The following GRIK4 variants were observed in gnomAD, a reference collection of about 807,000 sequenced individuals.
The protein encoded by GRIK4 is glutamate receptor ionotropic, kainate 4.
In GRIK4, 40 loss-of-function variants were observed where a neutral mutation model predicts 104.9. That is an observed-to-expected ratio of 0.38 (90% CI 0.30 to 0.50). GRIK4 has a LOEUF of 0.50. GRIK4 is among the 20% of genes least tolerant of loss of function. GRIK4 has a pLI of 0.93. For missense variants in GRIK4, 1,047 were observed against 1,308.1 expected (o/e 0.80, Z 3.08); for synonymous variants, 485 against 524.9 (o/e 0.92, Z 1.04).
At chr11:120,563,170 T>TA (rs983625256) in intron 1 of GRIK4, among the ~76,000 whole-genome samples, 4 of 152,202 alleles carry the variant, frequency 2.6e-5, no homozygotes, top group African/African-American at 9.6e-5. Context: ...CTATTAGACA[T>TA]ACTCGCAGTG....
At position 120,919,870 on chromosome 11, in the gene GRIK4, G is replaced by A. The variant is rs142443998; in HGVS notation, c.1476+14377G>A. On this transcript the variant is annotated intron_variant, in intron 13 of 20. Coordinates refer to ENST00000527524, the MANE Select transcript of GRIK4 (RefSeq NM_014619.5). ...GCTGATTCATGGTCTCTGGGATGAC[G>A]GATGGGGAAGTCATTAATGGCACAC... Among the ~76,000 whole-genome samples the A allele has an allele frequency of 4.2e-4, 64 of 152,194 alleles. No individual in the cohort carries two copies. The East Asian group carries it at 0.012, about 28-fold the overall frequency.
intron 11 of GRIK4, among the ~76,000 whole-genome samples, chr11:120,897,107 G>C (rs1942602442): frequency 6.6e-6 from 1 of 152,002 alleles, no homozygotes; most frequent in Admixed American, 6.5e-5. Context: ...TTGGGTCCAG[G>C]AGGTCAAGAC....
intron 3 of GRIK4, among the ~76,000 whole-genome samples, chr11:120,737,774 G>A (rs139357875): frequency 1.5e-4 from 23 of 152,156 alleles, no homozygotes; most frequent in East Asian, 5.8e-4. Flanking sequence ...TAGAGGCTAC[G>A]GTTGGGATGA....
At position 120,511,860 on chromosome 11, in the gene GRIK4, T is replaced by A. The variant is rs1319661191; in HGVS notation, c.-186T>A. The A allele has an allele frequency of 3.0e-6, 1 of 337,326 alleles. No homozygotes were observed. The highest frequency in any genetic ancestry group is 6.0e-6 in the Non-Finnish European group (1 of 167,326). The allele number at this position is 337,326 out of a possible 1,614,324, so 20.9% of individuals were successfully genotyped here. ...GGCCCGGCAGCGCCCGGCCCCCGGC[T>A]CAGCCCCCGGAGTGCGGAGCCGACC... On this transcript the variant is annotated 5_prime_UTR_variant, in exon 1 of 21. Transcript: ENST00000527524.
intron 8 of GRIK4, among the ~76,000 whole-genome samples, chr11:120,849,251 A>G (rs1953923027): frequency 6.6e-6 from 1 of 152,190 alleles, no homozygotes; most frequent in South Asian, 2.1e-4. Flanking sequence ...TCAAACTGAA[A>G]TAAGAACAAG....
intron 19 of GRIK4, among the ~76,000 whole-genome samples, chr11:120,977,184 G>A (rs1944575392): frequency 6.6e-6 from 1 of 152,242 alleles, no homozygotes; most frequent in South Asian, 2.1e-4. Flanking sequence ...TTCTATTTCA[G>A]TGAATGCAAC....
intron 8 of GRIK4, among the ~76,000 whole-genome samples, chr11:120,845,878 G>T (rs1196277498): frequency 1.3e-5 from 2 of 152,212 alleles, no homozygotes; most frequent in African/African-American, 4.8e-5. Context: ...AAGAGTGATG[G>T]AGTGAAAGCT....
chr11:120,883,523 CG>C (rs1248865526), intron 11 of GRIK4, among the ~76,000 whole-genome samples: 3 of 152,202 alleles, frequency 2.0e-5, no homozygotes, highest in African/African-American at 7.2e-5. Context: ...CCAGGGACAA[CG>C]GTCAAGGGGC....
intron 7 of GRIK4, among the ~76,000 whole-genome samples, chr11:120,833,079 C>T (rs935721762): frequency 6.6e-6 from 1 of 152,078 alleles, no homozygotes; most frequent in Admixed American, 6.5e-5. Flanking sequence ...TGTCTCCCCT[C>T]CTTCCCTCCC....
intron 1 of GRIK4, chr11:120,515,119 G>C: frequency 2.2e-6 from 1 of 447,080 alleles, no homozygotes; most frequent in South Asian, 1.6e-5. Context: ...GCATGATCTT[G>C]TCCCCCCTCC....
chr11:120,537,915 C>T (rs1318517293), intron 1 of GRIK4, among the ~76,000 whole-genome samples: 1 of 151,802 alleles, frequency 6.6e-6, no homozygotes, highest in Non-Finnish European at 1.5e-5. Flanking sequence ...GAGGATAGAC[C>T]TAGAGTGGAG....
intron 13 of GRIK4, among the ~76,000 whole-genome samples, chr11:120,933,657 A>G (rs1290452515): frequency 1.3e-5 from 2 of 152,138 alleles, no homozygotes; most frequent in Non-Finnish European, 2.9e-5. Context: ...AGCGCTCTAC[A>G]GTGTTATGAT....
chr11:120,630,323 C>T (rs550151233), intron 1 of GRIK4, among the ~76,000 whole-genome samples: 11 of 152,334 alleles, frequency 7.2e-5, no homozygotes, highest in African/African-American at 2.6e-4. Context: ...CAAAAGACTG[C>T]CTGACCATTT....
At chr11:120,890,312 G>A (rs891614675) in intron 11 of GRIK4, among the ~76,000 whole-genome samples, 2 of 152,104 alleles carry the variant, frequency 1.3e-5, no homozygotes, top group Non-Finnish European at 2.9e-5. Context: ...CATGGGAGAG[G>A]AGGAAAAAAA....
chr11:120,675,254 G>A lies in GRIK4; in HGVS notation c.82+14854G>A, dbSNP rs192499806. Among the ~76,000 whole-genome samples, 627 of 152,310 alleles carry A rather than the reference G, an allele frequency of 4.1e-3. 5 individuals are homozygous for A. The highest frequency in any genetic ancestry group is 6.5e-3 in the Non-Finnish European group (440 of 68,026). On this transcript the variant is annotated intron_variant, in intron 3 of 20. Coordinates refer to ENST00000527524, the MANE Select transcript of GRIK4 (RefSeq NM_014619.5). ...GTGGCCCCTGGGAGGGTCCCATAGG[G>A]GAGGCAGGGCCACCTTCTCTGGGAG...
chr11:120,923,038 G>A (rs569192299), intron 13 of GRIK4, among the ~76,000 whole-genome samples: 43 of 152,228 alleles, frequency 2.8e-4, no homozygotes, highest in Non-Finnish European at 5.1e-4. Flanking sequence ...CGGACCTGCC[G>A]TGTCCTAGGT....
chr11:120,644,059 G>GGA lies in GRIK4; in HGVS notation c.-158-9605_-158-9604dup, dbSNP rs139179410. 3.2e-3 allele frequency among the ~76,000 whole-genome samples: 386 copies of GGA among 121,096 alleles called. 2 individuals carry two copies. Among genetic ancestry groups the GGA allele is most frequent in the African/African-American group, 0.012 (342 of 27,552 alleles). 79.4% of individuals were successfully genotyped at this position (121,096 alleles called of 152,430 possible). A position where few individuals can be genotyped will look rare whatever the true frequency, so the allele number is the denominator to read the frequency against. Reference sequence around the variant, plus strand: ...TGTGTGTGTGTGAGAGAGAGAGAGAGGAGAGAGAGAGAGAGAGAGAGAAAG... The same window carrying GGA: ...TGTGTGTGTGTGAGAGAGAGAGAGAGGAGAGAGAGAGAGAGAGAGAGAGAAAG... On this transcript the variant is annotated intron_variant, in intron 1 of 20. Coordinates refer to ENST00000527524, the MANE Select transcript of GRIK4 (RefSeq NM_014619.5).
At chr11:120,583,350 T>G (rs988011164) in intron 1 of GRIK4, among the ~76,000 whole-genome samples, 1 of 152,224 alleles carries the variant, frequency 6.6e-6, no homozygotes, top group Non-Finnish European at 1.5e-5. Context: ...GCTCTTTAGT[T>G]TAAGTAGTTT....
chr11:120,762,339 G>A (rs1414570176), intron 3 of GRIK4, among the ~76,000 whole-genome samples: 1 of 152,136 alleles, frequency 6.6e-6, no homozygotes, highest in Non-Finnish European at 1.5e-5. Context: ...AGGAGTTTTT[G>A]GACTCAGACA....
Sources: gnomAD v4.1 joint callset for allele counts (sites outside exome capture counted in the v4.1 genomes callset) on GRCh38, gnomAD v4.1.1 for gene constraint, MANE v1.5 for transcripts, NCBI Gene and HGNC (gene_info 2026-07-23, HGNC 2026-07-21) for gene names.